BTRC: variants seen among roughly 807,000 people sequenced by gnomAD.
BTRC encodes the protein beta-transducin repeat containing E3 ubiquitin protein ligase.
BTRC carries 42 observed loss-of-function variants against 85.5 expected under a neutral mutation model. The observed-to-expected ratio is 0.49, with a 90% CI of 0.38 to 0.64. BTRC has a LOEUF of 0.64. Among genes scored for constraint, BTRC ranks in the 30% least tolerant of loss-of-function variants. The probability of loss-of-function intolerance (pLI) is 0.00; values close to 1 mark genes in which losing one functional copy is unlikely to be tolerated. For missense variants in BTRC, 594 were observed against 743.5 expected (o/e 0.80, Z 2.34); for synonymous variants, 255 against 263.3 (o/e 0.97, Z 0.30).
At chr10:101,546,797 T>A (rs1300230312) in intron 13 of BTRC, among the ~76,000 whole-genome samples, 1 of 152,140 alleles carries the variant, frequency 6.6e-6, no homozygotes, top group Non-Finnish European at 1.5e-5. Flanking sequence ...AGCCAGACTA[T>A]GAAAAACAAA....
chr10:101,379,298 T>C (rs1232363447), intron 1 of BTRC, among the ~76,000 whole-genome samples: 1 of 152,222 alleles, frequency 6.6e-6, no homozygotes, highest in East Asian at 1.9e-4. Flanking sequence ...ATAAACTACA[T>C]ACAATTCTTA....
intron 2 of BTRC, among the ~76,000 whole-genome samples, chr10:101,447,580 A>G (rs987782129): frequency 2.0e-5 from 3 of 152,282 alleles, no homozygotes; most frequent in African/African-American, 7.2e-5. Flanking sequence ...TATCTGTCAA[A>G]CCAATTATCT....
chr10:101,372,411 C>T (rs1216356664), intron 1 of BTRC, among the ~76,000 whole-genome samples: 10 of 150,474 alleles, frequency 6.6e-5, no homozygotes, highest in East Asian at 2.0e-4. Context: ...CACACCACCA[C>T]GCCCGGCTAA....
chr10:101,375,379 A>G (rs1942763439), intron 1 of BTRC, among the ~76,000 whole-genome samples: 1 of 152,190 alleles, frequency 6.6e-6, no homozygotes, highest in Non-Finnish European at 1.5e-5. Context: ...CCAGAAGCAG[A>G]AACCATCAGA....
intron 1 of BTRC, among the ~76,000 whole-genome samples, chr10:101,422,231 G>A (rs1349048629): frequency 3.3e-5 from 5 of 152,196 alleles, no homozygotes; most frequent in Non-Finnish European, 7.3e-5. Flanking sequence ...GTGATGATGA[G>A]CATTTTTTCA....
At chr10:101,488,567 C>T (rs1380837092) in intron 4 of BTRC, among the ~76,000 whole-genome samples, 1 of 152,140 alleles carries the variant, frequency 6.6e-6, no homozygotes, top group African/African-American at 2.4e-5. Context: ...GCCAAATCAG[C>T]TTCTGTTTCC....
chr10:101,457,904 A>T (rs538795952), intron 2 of BTRC, among the ~76,000 whole-genome samples: 5 of 152,224 alleles, frequency 3.3e-5, no homozygotes, highest in Admixed American at 6.5e-5. Context: ...ACCCTTTCAC[A>T]TAGATTTACC....
At chr10:101,440,034 AT>A (rs1440661839) in intron 2 of BTRC, among the ~76,000 whole-genome samples, 3 of 152,174 alleles carry the variant, frequency 2.0e-5, no homozygotes, top group African/African-American at 4.8e-5. Context: ...GAAGAAAAAT[AT>A]TTTTTTAATG....
At chr10:101,375,185 G>T (rs543391080) in intron 1 of BTRC, among the ~76,000 whole-genome samples, 1 of 152,206 alleles carries the variant, frequency 6.6e-6, no homozygotes, top group African/African-American at 2.4e-5. Flanking sequence ...GATCATGGGG[G>T]CGGATTTCCG....
chr10:101,543,943 T>C (rs1319440548), intron 13 of BTRC, among the ~76,000 whole-genome samples: 2 of 152,228 alleles, frequency 1.3e-5, no homozygotes, highest in African/African-American at 2.4e-5. Flanking sequence ...GGAGTCTTGC[T>C]CTGTCACCCA....
chr10:101,533,436 T>C (rs1056796983), intron 9 of BTRC, among the ~76,000 whole-genome samples: 1 of 152,196 alleles, frequency 6.6e-6, no homozygotes, highest in Admixed American at 6.5e-5. Context: ...TGCAGGTCTG[T>C]ATTATCTCCT....
At chr10:101,534,158 C>A (rs1014585426) in intron 9 of BTRC, among the ~76,000 whole-genome samples, 1 of 152,150 alleles carries the variant, frequency 6.6e-6, no homozygotes, top group African/African-American at 2.4e-5. Flanking sequence ...CTACCCACTT[C>A]AGAACACAGA....
intron 2 of BTRC, among the ~76,000 whole-genome samples, chr10:101,459,407 G>T (rs1945163934): frequency 6.6e-6 from 1 of 152,058 alleles, no homozygotes; most frequent in Non-Finnish European, 1.5e-5. Context: ...CTACTCTTTA[G>T]TATTAGGAGG....
At chr10:101,473,303 G>T (rs1169565747) in intron 3 of BTRC, among the ~76,000 whole-genome samples, 3 of 145,976 alleles carry the variant, frequency 2.1e-5, no homozygotes, top group Non-Finnish European at 3.0e-5. Flanking sequence ...TGATTTTTTT[G>T]AGATAGGGTC....
intron 4 of BTRC, among the ~76,000 whole-genome samples, chr10:101,505,637 AAAAT>A (rs1946518481): frequency 1.6e-5 from 2 of 126,940 alleles, no homozygotes; most frequent in Non-Finnish European, 1.9e-5. Flanking sequence ...TAAAAAAAAA[AAAAT>A]AATAATAAAA....
At position 101,556,813 on chromosome 10, in the gene BTRC, A is replaced by G. The variant is rs1053707314; in HGVS notation, c.*3690A>G. ...GTGATCTAAAATGTCCTGGAGGCAG[A>G]TGACATCTAAAATATGTGCTTTCCA... On this transcript the variant is annotated 3_prime_UTR_variant, in exon 15 of 15. Transcript: ENST00000370187. 1 of 152,264 alleles carries G rather than the reference A, an allele frequency of 6.6e-6. No individual in the cohort carries two copies. Among genetic ancestry groups the G allele is most frequent in the Non-Finnish European group, 1.5e-5 (1 of 68,058 alleles). 9.4% of individuals were successfully genotyped at this position (152,264 alleles called of 1,614,324 possible). A position where few individuals can be genotyped will look rare whatever the true frequency, so the allele number is the denominator to read the frequency against.
intron 1 of BTRC, among the ~76,000 whole-genome samples, chr10:101,407,744 G>A (rs1243568932): frequency 8.5e-6 from 1 of 117,366 alleles, no homozygotes; most frequent in East Asian, 2.9e-4. Flanking sequence ...TTTTTTTTGT[G>A]AGACAGTCTC....
chr10:101,522,013 GCTTT>G, intron 5 of BTRC, 143 bp downstream of exon 5: 3 of 80,792 alleles, frequency 3.7e-5, no homozygotes, highest in Non-Finnish European at 4.2e-5. Context: ...TTGATATAAA[GCTTT>G]TTTTTTTTTT....
intron 1 of BTRC, among the ~76,000 whole-genome samples, chr10:101,418,289 A>C (rs1321370908): frequency 6.6e-6 from 1 of 151,822 alleles, no homozygotes; most frequent in Non-Finnish European, 1.5e-5. Flanking sequence ...AATCGCTTGA[A>C]CCTGAGAGGC....
Sources: gnomAD v4.1 joint callset for allele counts (sites outside exome capture counted in the v4.1 genomes callset) on GRCh38, gnomAD v4.1.1 for gene constraint, MANE v1.5 for transcripts, NCBI Gene and HGNC (gene_info 2026-07-23, HGNC 2026-07-21) for gene names.